PPIL3: variants seen among roughly 807,000 people sequenced by gnomAD.
PPIL3 encodes the protein peptidyl-prolyl cis-trans isomerase-like 3.
Under a neutral mutation model 20.9 loss-of-function variants are expected in PPIL3, and 13 were observed. The observed-to-expected ratio is 0.62, with a 90% CI of 0.40 to 0.99. The LOEUF (loss-of-function observed/expected upper bound fraction) is 0.99, where lower values mean the gene tolerates loss of function less well. PPIL3 is among the 50% of genes least tolerant of loss of function. PPIL3 has a pLI of 0.00. For missense variants in PPIL3, 170 were observed against 195.2 expected (o/e 0.87, Z 0.77); for synonymous variants, 71 against 64.4 (o/e 1.10, Z -0.49).
intron 5 of PPIL3, 114 bp from the exon 6 acceptor site, chr2:200,877,151 G>T: frequency 1.4e-6 from 1 of 712,948 alleles, no homozygotes; most frequent in South Asian, 1.7e-5. Context: ...TTTGAGATTG[G>T]GGTCTCACTA....
chr2:200,880,957 G>A (rs1165381809), intron 5 of PPIL3, among the ~76,000 whole-genome samples: 1 of 152,026 alleles, frequency 6.6e-6, no homozygotes, highest in African/African-American at 2.4e-5. Flanking sequence ...ACCTAGTTGT[G>A]ATCTACCATA....
intron 6 of PPIL3, among the ~76,000 whole-genome samples, chr2:200,874,730 T>G (rs917413763): frequency 2.6e-5 from 4 of 152,174 alleles, no homozygotes; most frequent in Admixed American, 6.6e-5. Context: ...ATTTCTTTTC[T>G]CCTTGATTAT....
intron 3 of PPIL3, 52 bp from the exon 4 acceptor site, chr2:200,882,487 A>C: frequency 9.1e-7 from 1 of 1,093,866 alleles, no homozygotes; most frequent in East Asian, 2.4e-5. Context: ...CCCAGTTAAG[A>C]CAAAAAACCA....
At chr2:200,882,600 T>C (rs1433831958) in intron 3 of PPIL3, among the ~76,000 whole-genome samples, 165 bp from the exon 4 acceptor site, 1 of 152,152 alleles carries the variant, frequency 6.6e-6, no homozygotes, top group Non-Finnish European at 1.5e-5. Context: ...AGCTTCCTTC[T>C]CCTCTTGAAA....
At chr2:200,881,662 C>T in intron 4 of PPIL3, 174 bp from the exon 5 acceptor site, 2 of 539,954 alleles carry the variant, frequency 3.7e-6, no homozygotes, top group Non-Finnish European at 3.2e-6. Flanking sequence ...TTAAAACAGA[C>T]CTACAAAAAA....
Position 200,871,295 on chromosome 2 carries a change from A to T in PPIL3, c.*100T>A. 1 of 1,285,084 alleles carries T rather than the reference A, an allele frequency of 7.8e-7. No individual in the cohort carries two copies. Among genetic ancestry groups the T allele is most frequent in the South Asian group, 1.6e-5 (1 of 61,376 alleles). 79.6% of individuals were successfully genotyped at this position (1,285,084 alleles called of 1,614,324 possible). ...TCATAGAAGATCATAGTTGTAAACA[A>T]GCAGAAGGATGATGCAATCTCTGAC... On this transcript the variant is annotated 3_prime_UTR_variant, in exon 7 of 7. Transcript: ENST00000392283.
rs200331835 is a variant in PPIL3, at chr2:200,880,391, AT to A, written c.240+1029del. On this transcript the variant is annotated intron_variant, in intron 5 of 6. Coordinates refer to ENST00000392283, the MANE Select transcript of PPIL3 (RefSeq NM_130906.3). ...AAATATAATAATACACTTAAACTGC[AT>A]ATTTTGATTGAGTAGACTTTTTTTT... is the stretch of plus-strand genomic sequence containing the variant. 1.3e-4 allele frequency among the ~76,000 whole-genome samples: 19 copies of A among 150,166 alleles called. No individual in the cohort carries two copies. In the East Asian group the frequency reaches 1.5e-3, roughly 12 times the overall value.
At chr2:200,872,842 TCCTAAAGTAGGTGA>T (rs2039362098) in intron 6 of PPIL3, among the ~76,000 whole-genome samples, 1 of 151,202 alleles carries the variant, frequency 6.6e-6, no homozygotes, top group Admixed American at 6.6e-5. Flanking sequence ...ACAATGAGAG[TCCTAAAGTAGGTGA>T]CCACTCCACT....
intron 2 of PPIL3, chr2:200,886,914 C>T (rs2039956803): frequency 6.6e-6 from 1 of 152,246 alleles, no homozygotes; most frequent in Admixed American, 6.6e-5. Context: ...GTCCTCTCAC[C>T]TCCGCCTCCC....
chr2:200,875,399 C>A (rs550726647), intron 6 of PPIL3, among the ~76,000 whole-genome samples: 1 of 152,032 alleles, frequency 6.6e-6, no homozygotes, highest in South Asian at 2.1e-4. Flanking sequence ...TCCTGAGTAG[C>A]TGGAATTACA....
intron 3 of PPIL3, among the ~76,000 whole-genome samples, chr2:200,883,265 T>A (rs1011618836): frequency 6.6e-6 from 1 of 151,978 alleles, no homozygotes; most frequent in African/African-American, 2.4e-5. Flanking sequence ...TGGAATTTTT[T>A]AAAATTTTAT....
chr2:200,881,621 T>C (rs1332017262), intron 4 of PPIL3, 133 bp from the exon 5 acceptor site: 2 of 652,878 alleles, frequency 3.1e-6, no homozygotes, highest in Non-Finnish European at 5.0e-6. Context: ...CCTTTCCTAA[T>C]TCCCCAAATT....
chr2:200,880,635 C>T (rs1457760348), intron 5 of PPIL3, among the ~76,000 whole-genome samples: 1 of 152,058 alleles, frequency 6.6e-6, no homozygotes, highest in Non-Finnish European at 1.5e-5. Flanking sequence ...ATCCTCCTTA[C>T]TGGGCTTCTC....
intron 6 of PPIL3, among the ~76,000 whole-genome samples, chr2:200,872,700 G>A (rs889105909): frequency 1.3e-5 from 2 of 152,038 alleles, no homozygotes; most frequent in African/African-American, 2.4e-5. Context: ...GTTTTTAAAA[G>A]AACTATGCTG....
intron 5 of PPIL3, 109 bp downstream of exon 5, chr2:200,881,308 AAAGT>A: frequency 1.3e-6 from 1 of 769,658 alleles, no homozygotes; most frequent in Non-Finnish European, 2.0e-6. Context: ...AAACTATAAA[AAAGT>A]ATGTTCATTT....
chr2:200,885,358 G>A (rs1460913174), intron 3 of PPIL3: 10 of 356,072 alleles, frequency 2.8e-5, no homozygotes, highest in Middle Eastern at 7.3e-4. Flanking sequence ...GGGACACAGC[G>A]AGACTCCATC....
intron 2 of PPIL3, among the ~76,000 whole-genome samples, chr2:200,887,265 A>G (rs549451339): frequency 6.6e-6 from 1 of 151,926 alleles, no homozygotes; most frequent in African/African-American, 2.4e-5. Flanking sequence ...AGGCGCGTGT[A>G]ATCTCAGCTA....
intron 4 of PPIL3, 44 bp from the exon 5 acceptor site, chr2:200,881,532 T>C: frequency 6.5e-7 from 1 of 1,537,904 alleles, no homozygotes; most frequent in South Asian, 1.1e-5. Flanking sequence ...TTTAATTAAA[T>C]TGAAAACAAG....
chr2:200,888,604 C>G (rs1028054136), intron 1 of PPIL3: 1 of 220,056 alleles, frequency 4.5e-6, no homozygotes, highest in African/African-American at 2.3e-5. Flanking sequence ...ACTGCAACCT[C>G]CGCCTCCGCC....
Sources: allele counts gnomAD v4.1 joint callset (sites outside exome capture counted in the v4.1 genomes callset), GRCh38; gene constraint gnomAD v4.1.1; transcripts MANE v1.5; gene names NCBI Gene and HGNC (gene_info 2026-07-23, HGNC 2026-07-21).